The following MCHR2 variants were observed in gnomAD, a reference collection of about 807,000 sequenced individuals.
The protein encoded by MCHR2 is melanin concentrating hormone receptor 2, also known as melanin-concentrating hormone receptor 2.
In MCHR2, 15 loss-of-function variants were observed where a neutral mutation model predicts 24.8. The observed-to-expected ratio is 0.60, with a 90% CI of 0.40 to 0.93. The LOEUF is 0.93. MCHR2 is among the 40% of genes least tolerant of loss of function. MCHR2 has a pLI of 0.00. For synonymous variants in MCHR2, 151 were observed against 147.6 expected, an observed-to-expected ratio of 1.02 and a Z score of -0.17; for missense variants, 386 against 408.7, an observed-to-expected ratio of 0.94 and a Z score of 0.48.
At chr6:99,927,551 C>T (rs541712024) in intron 5 of MCHR2, among the ~76,000 whole-genome samples, 40 of 152,168 alleles carry the variant, frequency 2.6e-4, no homozygotes, top group Admixed American at 3.9e-4. Flanking sequence ...AGGTCCTTCG[C>T]GTCCCTTGTA....
At chr6:99,922,537 C>T (rs973639701) in intron 5 of MCHR2, among the ~76,000 whole-genome samples, 9 of 152,240 alleles carry the variant, frequency 5.9e-5, no homozygotes, top group African/African-American at 1.7e-4. Context: ...AGATTTAAGT[C>T]TTTAATCCAC....
chr6:99,920,927 T>C lies in MCHR2; in HGVS notation c.*13A>G. Reference sequence around the variant, plus strand: ...ACAATCATGTCTAGACTCATGGTGATCCATGTACTTTCCTAAAAGTGTGAT... The same window carrying C: ...ACAATCATGTCTAGACTCATGGTGACCCATGTACTTTCCTAAAAGTGTGAT... On this transcript the variant is annotated 3_prime_UTR_variant, in exon 6 of 6. Transcript: ENST00000281806. 6.2e-7 allele frequency: 1 copy of C among 1,610,852 alleles called. No individual in the cohort carries two copies. The highest frequency in any genetic ancestry group is 8.5e-7 in the Non-Finnish European group (1 of 1,177,810).
rs577597951 is a variant in MCHR2 at position 99,955,008 on chromosome 6, A to T, written c.182+958T>A. 1.5e-3 allele frequency among the ~76,000 whole-genome samples: 226 copies of T among 152,274 alleles called. 1 individual carries two copies. The highest frequency in any genetic ancestry group is 5.1e-3 in the African/African-American group (213 of 41,562). On this transcript the variant is annotated intron_variant, in intron 2 of 5. Transcript: ENST00000281806. Reference sequence around the variant, plus strand: ...TAAAAAGAAATCTGAAATCTGAACCACTTCTGGTCGCAAGCATTTTGGATA... The same window carrying T: ...TAAAAAGAAATCTGAAATCTGAACCTCTTCTGGTCGCAAGCATTTTGGATA...
chr6:99,926,704 C>T (rs374639114), intron 5 of MCHR2, among the ~76,000 whole-genome samples: 2 of 151,804 alleles, frequency 1.3e-5, no homozygotes, highest in African/African-American at 2.4e-5. Flanking sequence ...TCTTGTAAAT[C>T]TGTTTGAGTT....
At chr6:99,955,465 G>T (rs1158834672) in intron 2 of MCHR2, among the ~76,000 whole-genome samples, 1 of 152,104 alleles carries the variant, frequency 6.6e-6, no homozygotes, top group Non-Finnish European at 1.5e-5. Context: ...TGCATCTTCT[G>T]GTGATAACAT....
intron 4 of MCHR2, among the ~76,000 whole-genome samples, chr6:99,938,884 A>G (rs1774719328): frequency 6.6e-6 from 1 of 152,086 alleles, no homozygotes; most frequent in South Asian, 2.1e-4. Context: ...TTGGGTGCAG[A>G]GATACTGAAA....
At chr6:99,965,363 T>C (rs1221846667) in intron 1 of MCHR2, among the ~76,000 whole-genome samples, 2 of 152,184 alleles carry the variant, frequency 1.3e-5, no homozygotes, top group Non-Finnish European at 2.9e-5. Context: ...GAAAATTTAA[T>C]GCCAAAGTGT....
At chr6:99,961,541 T>A (rs1349748256) in intron 1 of MCHR2, among the ~76,000 whole-genome samples, 1 of 152,146 alleles carries the variant, frequency 6.6e-6, no homozygotes, top group Non-Finnish European at 1.5e-5. Context: ...AAAGGATAAG[T>A]TCATGTCCTT....
At chr6:99,930,020 T>G (rs1183824220) in intron 5 of MCHR2, among the ~76,000 whole-genome samples, 18 of 150,596 alleles carry the variant, frequency 1.2e-4, no homozygotes, top group South Asian at 4.3e-4. Context: ...AGGAGCTCTT[T>G]TAGGGCAGGC....
chr6:99,979,737 C>T (rs558087880), intron 1 of MCHR2, among the ~76,000 whole-genome samples: 1 of 152,290 alleles, frequency 6.6e-6, no homozygotes, highest in East Asian at 1.9e-4. Context: ...TGACTATAGA[C>T]AATATCCTTG....
intron 2 of MCHR2, 22 bp downstream of exon 2, chr6:99,955,944 A>G (rs759196223): frequency 6.7e-7 from 1 of 1,488,586 alleles, no homozygotes; most frequent in South Asian, 1.4e-5. Context: ...AGGAAAAAAA[A>G]AAAAAAGGAG....
chr6:99,953,687 CT>C (rs67143555), intron 2 of MCHR2, among the ~76,000 whole-genome samples: 15 of 148,222 alleles, frequency 1.0e-4, no homozygotes, highest in African/African-American at 1.2e-4. Context: ...ATAGACGCTG[CT>C]TTTTTTTTTG....
intron 1 of MCHR2, among the ~76,000 whole-genome samples, chr6:99,957,899 T>C (rs1036441806): frequency 9.2e-5 from 14 of 152,104 alleles, no homozygotes; most frequent in East Asian, 5.8e-4. Context: ...CATTAATCTA[T>C]AGATGTCAAT....
At position 99,919,198 on chromosome 6, in the gene MCHR2, TA is replaced by T. The variant is rs146732858; in HGVS notation, c.*1741del. Among the ~76,000 whole-genome samples the T allele has an allele frequency of 0.088, 13,345 of 152,166 alleles. 747 individuals carry two copies. Among genetic ancestry groups the T allele is most frequent in the Non-Finnish European group, 0.13 (8,748 of 67,962 alleles). On this transcript the variant is annotated 3_prime_UTR_variant, in exon 6 of 6. Transcript: ENST00000281806. ...GGTCTCTAGACCTCAGCTATGGAAA[TA>T]AAATGTTTCAGATGCTACCTGTCTC...
chr6:99,931,279 G>A (rs936125746), intron 5 of MCHR2, among the ~76,000 whole-genome samples: 2 of 152,180 alleles, frequency 1.3e-5, no homozygotes, highest in South Asian at 2.1e-4. Flanking sequence ...GCTGCTCGGG[G>A]GTCAGGGGTC....
chr6:99,939,706 G>C (rs1483352077), intron 4 of MCHR2, among the ~76,000 whole-genome samples: 2 of 150,574 alleles, frequency 1.3e-5, no homozygotes, highest in African/African-American at 2.4e-5. Context: ...TTGCACATTA[G>C]TGTTTTTTTT....
chr6:99,957,145 G>T (rs912641599), intron 1 of MCHR2, among the ~76,000 whole-genome samples: 2 of 152,130 alleles, frequency 1.3e-5, no homozygotes, highest in African/African-American at 4.8e-5. Flanking sequence ...AACATTTGAA[G>T]TCTGGTTCCA....
intron 1 of MCHR2, among the ~76,000 whole-genome samples, chr6:99,982,083 C>T (rs1775679445): frequency 6.6e-6 from 1 of 152,126 alleles, no homozygotes; most frequent in South Asian, 2.1e-4. Context: ...ACCCCCCGCT[C>T]CCTACCTGTC....
At chr6:99,961,596 T>C (rs142483924) in intron 1 of MCHR2, among the ~76,000 whole-genome samples, 75 of 152,244 alleles carry the variant, frequency 4.9e-4, no homozygotes, top group Non-Finnish European at 8.2e-4. Context: ...CTCAGCAAAC[T>C]ATCACAAGGA....
Sources: allele counts gnomAD v4.1 joint callset (sites outside exome capture counted in the v4.1 genomes callset), GRCh38; gene constraint gnomAD v4.1.1; transcripts MANE v1.5; gene names NCBI Gene and HGNC (gene_info 2026-07-23, HGNC 2026-07-21).